CCDC192: variants seen among roughly 807,000 people sequenced by gnomAD.
CCDC192 encodes the protein coiled-coil domain-containing protein 192.
chr5:127,821,688 A>AT (rs1428983170), intron 5 of CCDC192, among the ~76,000 whole-genome samples: 2 of 152,228 alleles, frequency 1.3e-5, no homozygotes, highest in Non-Finnish European at 2.9e-5. Context: ...ATAGAAAAAA[A>AT]GGGAACCTGG....
At chr5:127,750,077 T>C (rs962184933) in intron 2 of CCDC192, among the ~76,000 whole-genome samples, 1 of 152,182 alleles carries the variant, frequency 6.6e-6, no homozygotes. Context: ...CCTGGATTCA[T>C]TAATTTTTTG....
At chr5:127,768,149 G>C (rs1038055974) in intron 3 of CCDC192, among the ~76,000 whole-genome samples, 5 of 152,060 alleles carry the variant, frequency 3.3e-5, no homozygotes, top group African/African-American at 1.2e-4. Context: ...CTACTCAGGA[G>C]GCTGAGGCAG....
At chr5:127,910,591 G>A (rs1051289280) in intron 6 of CCDC192, among the ~76,000 whole-genome samples, 1 of 152,202 alleles carries the variant, frequency 6.6e-6, no homozygotes, top group Non-Finnish European at 1.5e-5. Context: ...GAACAAATAT[G>A]TAGAAGCGTA....
At chr5:127,870,967 G>A (rs1751829979) in intron 5 of CCDC192, among the ~76,000 whole-genome samples, 1 of 152,142 alleles carries the variant, frequency 6.6e-6, no homozygotes, top group African/African-American at 2.4e-5. Flanking sequence ...TTTGCTAGTG[G>A]GCCACTGAAG....
At chr5:127,926,652 T>C (rs936228871) in intron 6 of CCDC192, among the ~76,000 whole-genome samples, 3 of 152,116 alleles carry the variant, frequency 2.0e-5, no homozygotes, top group African/African-American at 7.2e-5. Context: ...CTTCAGAGGT[T>C]AGATAATGAG....
At chr5:127,745,764 T>C (rs546860156) in intron 2 of CCDC192, among the ~76,000 whole-genome samples, 2 of 152,330 alleles carry the variant, frequency 1.3e-5, no homozygotes, top group Admixed American at 1.3e-4. Flanking sequence ...TATTATTCAC[T>C]TGCAACTACT....
intron 3 of CCDC192, among the ~76,000 whole-genome samples, chr5:127,795,577 C>A (rs996955278): frequency 6.6e-6 from 1 of 151,828 alleles, no homozygotes; most frequent in African/African-American, 2.4e-5. Context: ...TAGTAAACAG[C>A]AAAATTGAGA....
At chr5:127,707,109 TG>T (rs1422087551) in intron 1 of CCDC192, among the ~76,000 whole-genome samples, 1 of 152,106 alleles carries the variant, frequency 6.6e-6, no homozygotes, top group Non-Finnish European at 1.5e-5. Flanking sequence ...GTACTAGTAG[TG>T]GTACTAGTCT....
At chr5:127,882,556 T>G (rs1325847110) in intron 6 of CCDC192, among the ~76,000 whole-genome samples, 9 of 152,204 alleles carry the variant, frequency 5.9e-5, no homozygotes, top group Admixed American at 3.9e-4. Context: ...TTTAATATAG[T>G]AAAGCCATTG....
At chr5:127,930,938 A>G (rs1754010443) in intron 6 of CCDC192, among the ~76,000 whole-genome samples, 1 of 152,206 alleles carries the variant, frequency 6.6e-6, no homozygotes, top group Non-Finnish European at 1.5e-5. Flanking sequence ...ACAAACGACC[A>G]ACACCCTGCC....
At chr5:127,876,579 G>T (rs1184767351) in intron 6 of CCDC192, among the ~76,000 whole-genome samples, 2 of 152,150 alleles carry the variant, frequency 1.3e-5, no homozygotes, top group Non-Finnish European at 2.9e-5. Context: ...CTCCTGCCTG[G>T]TGAATCTCTT....
At chr5:127,709,148 GAA>G (rs1403188539) in intron 2 of CCDC192, among the ~76,000 whole-genome samples, 3 of 96,302 alleles carry the variant, frequency 3.1e-5, no homozygotes, top group East Asian at 3.8e-4. Context: ...AGGAGAGAAA[GAA>G]GAGAGAGAGA....
At chr5:127,887,156 T>C (rs1247693325) in intron 6 of CCDC192, among the ~76,000 whole-genome samples, 1 of 151,786 alleles carries the variant, frequency 6.6e-6, no homozygotes, top group Non-Finnish European at 1.5e-5. Context: ...GGGGAAACCC[T>C]GTCTCTACCA....
chr5:127,915,616 C>A (rs1420684078), intron 6 of CCDC192, among the ~76,000 whole-genome samples: 1 of 152,202 alleles, frequency 6.6e-6, no homozygotes, highest in Non-Finnish European at 1.5e-5. Context: ...CTCCTGACCT[C>A]GTGATCCACC....
intron 5 of CCDC192, among the ~76,000 whole-genome samples, chr5:127,805,549 T>G (rs899223589): frequency 8.5e-5 from 13 of 152,230 alleles, no homozygotes; most frequent in African/African-American, 2.9e-4. Context: ...ATGGCAGAGT[T>G]AATCAGTGGT....
chr5:127,927,841 GT>G (rs35011999), intron 6 of CCDC192, among the ~76,000 whole-genome samples: 15,147 of 149,726 alleles, frequency 0.1, 1,553 homozygotes, highest in East Asian at 0.3. Flanking sequence ...ATGTTCTTTG[GT>G]TTTTTTTCCC....
chr5:127,721,420 C>T, intron 2 of CCDC192, among the ~76,000 whole-genome samples: 1 of 152,174 alleles, frequency 6.6e-6, no homozygotes, highest in Non-Finnish European at 1.5e-5. Flanking sequence ...CAATAAGTTC[C>T]TTATCTCCAT....
intron 2 of CCDC192, among the ~76,000 whole-genome samples, chr5:127,726,774 A>G (rs539815362): frequency 3.3e-5 from 5 of 152,276 alleles, no homozygotes; most frequent in Admixed American, 2.0e-4. Flanking sequence ...TCTCCCTGGG[A>G]TGAAACCCTG....
At chr5:127,823,292 T>A (rs113238686) in intron 5 of CCDC192, among the ~76,000 whole-genome samples, 3,081 of 152,312 alleles carry the variant, frequency 0.02, 111 homozygotes, top group African/African-American at 0.071. Flanking sequence ...TGTTTACAAC[T>A]CGCCTCTTTC....
Sources: allele counts gnomAD v4.1 joint callset (sites outside exome capture counted in the v4.1 genomes callset), GRCh38; gene constraint gnomAD v4.1.1; transcripts MANE v1.5; gene names NCBI Gene and HGNC (gene_info 2026-07-23, HGNC 2026-07-21).